Variants in SMCHD1 observed in about 807,000 individuals in gnomAD.
The protein encoded by SMCHD1 is structural maintenance of chromosomes flexible hinge domain-containing protein 1.
Under a neutral mutation model 254.7 loss-of-function variants are expected in SMCHD1, and 78 were observed. The observed-to-expected ratio is 0.31, with a 90% CI of 0.26 to 0.37. SMCHD1 has a LOEUF of 0.37. SMCHD1 is among the 10% of genes least tolerant of loss of function. The pLI is 1.00. For missense variants in SMCHD1, 1,840 were observed against 2,408.1 expected, an observed-to-expected ratio of 0.76 and a Z score of 4.94; for synonymous variants, 766 against 794.9, an observed-to-expected ratio of 0.96 and a Z score of 0.61.
chr18:2,662,083 C>T (rs1191245902), intron 1 of SMCHD1, among the ~76,000 whole-genome samples: 5 of 142,308 alleles, frequency 3.5e-5, no homozygotes, highest in African/African-American at 1.1e-4. Context: ...GGCGTGAACC[C>T]GGGAAGCGGA....
chr18:2,785,090 C>T (rs574381746), intron 45 of SMCHD1: 2 of 269,178 alleles, frequency 7.4e-6, no homozygotes, highest in Non-Finnish European at 1.5e-5. Flanking sequence ...ATGTGATCTC[C>T]TGCCCCTTTT....
intron 25 of SMCHD1, among the ~76,000 whole-genome samples, chr18:2,737,873 G>A (rs1036458692): frequency 2.6e-5 from 4 of 152,104 alleles, no homozygotes; most frequent in African/African-American, 9.7e-5. Context: ...TATGGATTAA[G>A]TGACAAAATA....
chr18:2,689,704 C>T (rs8094926), intron 7 of SMCHD1, among the ~76,000 whole-genome samples: 124,993 of 151,588 alleles, frequency 0.82, 54,950 homozygotes, highest in East Asian at 1. Context: ...GTTGGGATTA[C>T]GGGAAAATAT....
intron 44 of SMCHD1, among the ~76,000 whole-genome samples, chr18:2,779,911 G>A (rs943649387): frequency 4.6e-5 from 7 of 152,076 alleles, no homozygotes; most frequent in Non-Finnish European, 7.4e-5. Flanking sequence ...GAACTAAACT[G>A]GTATGAGTAA....
At chr18:2,701,025 T>C (rs1166522724) in intron 12 of SMCHD1, 107 bp downstream of exon 12, 1 of 847,072 alleles carries the variant, frequency 1.2e-6, no homozygotes, top group Admixed American at 2.8e-5. Flanking sequence ...ATCAAAAGAC[T>C]ATGATGTATA....
At chr18:2,696,966 TAGA>T (rs1200011110) in intron 8 of SMCHD1, 63 bp from the exon 9 acceptor site, 24 of 738,888 alleles carry the variant, frequency 3.2e-5, no homozygotes, top group African/African-American at 5.5e-5. Flanking sequence ...AATATTTTGA[TAGA>T]AGATTACATT....
intron 22 of SMCHD1, 104 bp downstream of exon 22, chr18:2,726,628 C>G: frequency 2.3e-6 from 1 of 438,856 alleles, no homozygotes; most frequent in Non-Finnish European, 3.9e-6. Context: ...TGGTGTAAAT[C>G]TTGAAAATAC....
chr18:2,747,233 G>A (rs1027459595), intron 29 of SMCHD1, among the ~76,000 whole-genome samples: 1 of 152,298 alleles, frequency 6.6e-6, no homozygotes, highest in Middle Eastern at 3.4e-3. Flanking sequence ...TTATATAAAA[G>A]AGTACCTGCA....
In SMCHD1 at chr18:2,688,677, C is replaced by G. The variant is rs2074105928; in HGVS notation, c.803C>G (p.Ser268Cys). The change falls in exon 7 of 48, where the codon TCT becomes TGT. Residue 268 changes from serine (S) to cysteine (C), a missense_variant. Ser to Cys is a moderately radical substitution (Grantham distance 112, BLOSUM62 -1). Coordinates refer to ENST00000320876, the MANE Select transcript of SMCHD1 (RefSeq NM_015295.3). ...DSQDVHELVLSKEDFEKKEKN... is the reference protein window; with the variant it reads ...DSQDVHELVLCKEDFEKKEKN... The stretch of plus-strand genomic sequence containing the variant: ...CAAGATGTTCACGAGCTTGTGCTTT[C>G]TAAAGAAGATTTTGAGAAGAAGGAG... 1.3e-6 allele frequency: 2 copies of G among 1,556,526 alleles called. No individual in the cohort carries two copies. The highest frequency in any genetic ancestry group is 1.7e-6 in the Non-Finnish European group (2 of 1,147,542).
intron 7 of SMCHD1, among the ~76,000 whole-genome samples, chr18:2,690,294 A>G (rs949435838): frequency 1.5e-4 from 23 of 152,206 alleles, no homozygotes; most frequent in African/African-American, 5.1e-4. Context: ...GTAGCTTTAT[A>G]ACATTTCCTT....
At chr18:2,795,854 A>AT in intron 45 of SMCHD1, 95 bp from the exon 46 acceptor site, 1 of 1,013,478 alleles carries the variant, frequency 9.9e-7, no homozygotes, top group Non-Finnish European at 1.4e-6. Context: ...CTATGTTACC[A>AT]TAACACAAAT....
chr18:2,757,732 A>G (rs887822075), intron 34 of SMCHD1, among the ~76,000 whole-genome samples: 2 of 151,914 alleles, frequency 1.3e-5, no homozygotes, highest in African/African-American at 2.4e-5. Context: ...ACAGTGTTCT[A>G]TATCTTTTAT....
intron 5 of SMCHD1, among the ~76,000 whole-genome samples, chr18:2,686,111 T>TG (rs1412705777): frequency 6.6e-6 from 1 of 152,224 alleles, no homozygotes; most frequent in African/African-American, 2.4e-5. Context: ...TTTGTATGTC[T>TG]GATAGGCTCT....
intron 17 of SMCHD1, 40 bp downstream of exon 17, chr18:2,707,960 TA>T (rs1203650895): frequency 8.6e-7 from 1 of 1,159,708 alleles, no homozygotes; most frequent in African/African-American, 1.6e-5. Flanking sequence ...ATATTGTTTT[TA>T]AAATATAATA....
chr18:2,759,571 CT>C (rs61159403), intron 34 of SMCHD1, among the ~76,000 whole-genome samples: 3 of 69,520 alleles, frequency 4.3e-5, no homozygotes, highest in Admixed American at 2.1e-4. Flanking sequence ...TTAATTCTCT[CT>C]TTTTTTTTTT....
At chr18:2,702,183 A>G (rs1219093749) in intron 12 of SMCHD1, 2 of 151,710 alleles carry the variant, frequency 1.3e-5, no homozygotes, top group Non-Finnish European at 2.9e-5. Context: ...GCTGCGCATA[A>G]TGGTTCACAC....
intron 25 of SMCHD1, among the ~76,000 whole-genome samples, chr18:2,737,008 A>G (rs1312225407): frequency 1.3e-5 from 2 of 152,184 alleles, no homozygotes. Context: ...AGTAGATTGG[A>G]TAAAGAAAAT....
chr18:2,700,753 T>C lies in SMCHD1; in HGVS notation c.1482T>C (p.Pro494=). ...GTTCAAGCTTTGACTGGTGTACTCCTCCTAAGAAGAGAGGGCTTGCACCAA... is the reference window on the plus strand; with the variant it reads ...GTTCAAGCTTTGACTGGTGTACTCCCCCTAAGAAGAGAGGGCTTGCACCAA... ...TSVEDFDWCT[P]PKKRGLAPIE... The change falls in exon 12 of 48, where the codon CCT becomes CCC. Residue 494 remains proline, a synonymous_variant. Transcript: ENST00000320876. 6.2e-7 allele frequency: 1 copy of C among 1,610,678 alleles called. No homozygotes were observed. Among genetic ancestry groups the C allele is most frequent in the Non-Finnish European group, 8.5e-7 (1 of 1,178,398 alleles).
chr18:2,695,764 A>G (rs562419540), intron 8 of SMCHD1, among the ~76,000 whole-genome samples: 97 of 151,924 alleles, frequency 6.4e-4, no homozygotes, highest in Admixed American at 1.8e-3. Context: ...CCAAAAGGCT[A>G]TTGTTCTTGA....
Sources: allele counts gnomAD v4.1 joint callset (sites outside exome capture counted in the v4.1 genomes callset), GRCh38; gene constraint gnomAD v4.1.1; transcripts MANE v1.5; gene names NCBI Gene and HGNC (gene_info 2026-07-23, HGNC 2026-07-21).